RGS6: variants seen among roughly 807,000 people sequenced by gnomAD.
RGS6 encodes regulator of G-protein signaling 6.
A neutral mutation model predicts 78.5 loss-of-function variants in RGS6; 30 were observed. The ratio of observed to expected loss-of-function variants is 0.38; its 90% CI spans 0.29 to 0.52. The LOEUF (loss-of-function observed/expected upper bound fraction) is 0.52. Ranked by LOEUF, RGS6 falls within the 20% of genes least tolerant of loss-of-function variation. The pLI is 0.85. For missense variants in RGS6, 495 were observed against 609.7 expected, an observed-to-expected ratio of 0.81 and a Z score of 1.98; for synonymous variants, 206 against 206.0, an observed-to-expected ratio of 1.00 and a Z score of 0.00.
intron 1 of RGS6, among the ~76,000 whole-genome samples, chr14:71,941,828 C>T (rs1057191246): frequency 2.6e-5 from 4 of 152,206 alleles, no homozygotes; most frequent in African/African-American, 9.7e-5. Context: ...AGGATCAATA[C>T]TCCGTATCCC....
At chr14:72,026,446 A>C (rs1282897794) in intron 2 of RGS6, among the ~76,000 whole-genome samples, 1 of 152,140 alleles carries the variant, frequency 6.6e-6, no homozygotes, top group Admixed American at 6.5e-5. Flanking sequence ...CCCATTTAAA[A>C]TCTGTTCATT....
intron 17 of RGS6, among the ~76,000 whole-genome samples, chr14:72,558,350 G>T (rs540427359): frequency 6.6e-6 from 1 of 152,150 alleles, no homozygotes; most frequent in African/African-American, 2.4e-5. Flanking sequence ...CTGTCCCCCA[G>T]TATGCCCCAA....
chr14:72,070,525 C>CT (rs972093369), intron 2 of RGS6, among the ~76,000 whole-genome samples: 1 of 152,212 alleles, frequency 6.6e-6, no homozygotes, highest in Non-Finnish European at 1.5e-5. Context: ...GCTTGACTTA[C>CT]TGTTCCTGGT....
intron 3 of RGS6, among the ~76,000 whole-genome samples, chr14:72,402,781 G>GTTTTTTTTGTTTTTTTTTTTTTTTTTTT (rs1169823281): frequency 9.1e-6 from 1 of 110,102 alleles, no homozygotes. Context: ...TATATTTTTT[G>GTTTTTTTTGTTTTTTTTTTTTTTTTTTT]TTTTTTTGGT....
intron 2 of RGS6, among the ~76,000 whole-genome samples, chr14:72,092,001 CTTTTGTTTTGTTTTG>C (rs10595733): frequency 1.5e-4 from 22 of 150,776 alleles, no homozygotes; most frequent in Middle Eastern, 3.4e-3. Flanking sequence ...TAGCTTCAGC[CTTTTGTTTTGTTTTG>C]TTTTGTTTTG....
chr14:71,948,468 A>G (rs558148362), intron 1 of RGS6, among the ~76,000 whole-genome samples: 115 of 152,292 alleles, frequency 7.6e-4, no homozygotes, highest in African/African-American at 2.4e-3. Context: ...TGAGAACCCA[A>G]TATGCTGCAT....
intron 1 of RGS6, among the ~76,000 whole-genome samples, chr14:71,952,299 C>T (rs1474830317): frequency 2.6e-5 from 4 of 152,092 alleles, no homozygotes; most frequent in African/African-American, 9.7e-5. Flanking sequence ...AGCCCCCTTA[C>T]ATTTAAAATT....
chr14:71,948,325 G>A (rs1215677152), intron 1 of RGS6, among the ~76,000 whole-genome samples: 1 of 152,118 alleles, frequency 6.6e-6, no homozygotes, highest in Non-Finnish European at 1.5e-5. Flanking sequence ...CTGATAATGA[G>A]GCATACTCTG....
chr14:72,057,551 A>G (rs2093681759), intron 2 of RGS6, among the ~76,000 whole-genome samples: 1 of 152,018 alleles, frequency 6.6e-6, no homozygotes, highest in Non-Finnish European at 1.5e-5. Context: ...CTCTCTGTTA[A>G]TGCGTTTCCC....
At chr14:72,042,362 C>G (rs560683507) in intron 2 of RGS6, among the ~76,000 whole-genome samples, 2 of 152,162 alleles carry the variant, frequency 1.3e-5, no homozygotes, top group Admixed American at 6.5e-5. Context: ...CTCCTGATCT[C>G]AGATGATCCT....
intron 2 of RGS6, among the ~76,000 whole-genome samples, chr14:72,109,175 C>A (rs2095699475): frequency 6.6e-6 from 1 of 151,372 alleles, no homozygotes; most frequent in Non-Finnish European, 1.5e-5. Flanking sequence ...ATTTTTTTCC[C>A]AGCAGCTTCT....
At chr14:72,044,764 T>G (rs886504538) in intron 2 of RGS6, among the ~76,000 whole-genome samples, 6 of 152,096 alleles carry the variant, frequency 3.9e-5, no homozygotes, top group Non-Finnish European at 8.8e-5. Context: ...TCCCAGCTAC[T>G]TGGGAGGCTG....
chr14:72,474,849 T>TG (rs1354257820), intron 10 of RGS6, 150 bp downstream of exon 10: 4 of 707,316 alleles, frequency 5.7e-6, no homozygotes, highest in Non-Finnish European at 2.4e-6. Flanking sequence ...GAGCAGCTGA[T>TG]GCATGCTTGG....
intron 2 of RGS6, among the ~76,000 whole-genome samples, chr14:72,067,243 T>C (rs1053027397): frequency 2.0e-5 from 3 of 152,122 alleles, no homozygotes; most frequent in Admixed American, 1.3e-4. Context: ...TTCTCATTCA[T>C]AAGTGGGAGT....
chr14:71,994,701 A>C (rs143358096), intron 2 of RGS6, among the ~76,000 whole-genome samples: 5 of 152,214 alleles, frequency 3.3e-5, no homozygotes, highest in African/African-American at 1.2e-4. Flanking sequence ...CCCACCGAGA[A>C]CATTGTGGAA....
intron 2 of RGS6, among the ~76,000 whole-genome samples, chr14:72,332,661 C>G (rs2075299844): frequency 6.6e-6 from 1 of 152,174 alleles, no homozygotes; most frequent in South Asian, 2.1e-4. Flanking sequence ...CAGCTCCTCA[C>G]AGGAAGCCAG....
At chr14:71,975,153 C>T (rs968595847) in intron 2 of RGS6, among the ~76,000 whole-genome samples, 2 of 152,090 alleles carry the variant, frequency 1.3e-5, no homozygotes, top group African/African-American at 4.8e-5. Context: ...GGCATGGTTT[C>T]AAAGACAAAA....
intron 1 of RGS6, among the ~76,000 whole-genome samples, chr14:71,934,383 T>TA (rs1184474565): frequency 2.0e-5 from 3 of 152,212 alleles, no homozygotes; most frequent in Non-Finnish European, 4.4e-5. Context: ...TTGGGAGGTA[T>TA]TGTGATGAAG....
At chr14:72,294,920 C>G (rs532143801) in intron 2 of RGS6, among the ~76,000 whole-genome samples, 1 of 152,280 alleles carries the variant, frequency 6.6e-6, no homozygotes, top group East Asian at 1.9e-4. Context: ...TAGCAGCCAC[C>G]ACTCTCCATC....
Sources: allele counts gnomAD v4.1 joint callset (sites outside exome capture counted in the v4.1 genomes callset), GRCh38; gene constraint gnomAD v4.1.1; transcripts MANE v1.5; gene names NCBI Gene and HGNC (gene_info 2026-07-23, HGNC 2026-07-21).